MCF2: variants seen among roughly 807,000 people sequenced by gnomAD.
MCF2 encodes the protein proto-oncogene DBL.
Under a neutral mutation model 82.5 loss-of-function variants are expected in MCF2, and 44 were observed. The ratio of observed to expected loss-of-function variants is 0.53; its 90% CI spans 0.42 to 0.69. MCF2 has a LOEUF of 0.69. MCF2 is among the 30% of genes least tolerant of loss of function. The probability of loss-of-function intolerance (pLI) is 0.00; values close to 1 mark genes in which losing one functional copy is unlikely to be tolerated. For synonymous variants in MCF2, 217 were observed against 224.9 expected, an observed-to-expected ratio of 0.96 and a Z score of 0.32; for missense variants, 623 against 663.1, an observed-to-expected ratio of 0.94 and a Z score of 0.66.
At chrX:139,701,198 G>T (rs1017788116) in intron 1 of MCF2, among the ~76,000 whole-genome samples, 1 of 111,486 alleles carries the variant, frequency 9.0e-6, no homozygotes, top group Non-Finnish European at 1.9e-5. Context: ...TTTCCAGTTG[G>T]CAATCTTCTC....
intron 1 of MCF2, among the ~76,000 whole-genome samples, chrX:139,700,854 G>T (rs749717041): frequency 8.9e-6 from 1 of 112,146 alleles, no homozygotes; most frequent in African/African-American, 3.2e-5. Flanking sequence ...TTAGGATGAG[G>T]TGGGAGATAG....
intron 1 of MCF2, among the ~76,000 whole-genome samples, chrX:139,633,128 T>G (rs1031976454): frequency 9.0e-6 from 1 of 111,129 alleles, no homozygotes; most frequent in Non-Finnish European, 1.9e-5. Context: ...CTCCGAGACA[T>G]AGGAAGGTCA....
intron 1 of MCF2, among the ~76,000 whole-genome samples, chrX:139,704,286 A>T (rs1292876339): frequency 1.8e-5 from 2 of 112,218 alleles, no homozygotes; most frequent in Admixed American, 1.9e-4. Flanking sequence ...GCATCCACGT[A>T]TGAAAAGAAG....
chrX:139,610,228 T>C (rs906428631), intron 11 of MCF2, 73 bp downstream of exon 15: 3 of 650,488 alleles, frequency 4.6e-6, no homozygotes, highest in African/African-American at 4.6e-5. Context: ...GAATGAAACA[T>C]GTGATTTAAG....
At chrX:139,696,402 C>CTT (rs1264195158) in intron 1 of MCF2, among the ~76,000 whole-genome samples, 3 of 105,348 alleles carry the variant, frequency 2.8e-5, no homozygotes, top group African/African-American at 1.0e-4. Context: ...GTCTCCTCTT[C>CTT]TTTTCTTTTT....
exon 8 of MCF2, chrX:139,617,678 C>G: frequency 8.4e-7 from 1 of 1,188,408 alleles, no homozygotes; most frequent in South Asian, 1.9e-5. Flanking sequence ...CATGTAATAT[C>G]ACAAACTGGG....
At chrX:139,686,282 G>A (rs1935122108) in intron 1 of MCF2, among the ~76,000 whole-genome samples, 1 of 110,787 alleles carries the variant, frequency 9.0e-6, no homozygotes, top group African/African-American at 3.3e-5. Context: ...TCAGGCAAGA[G>A]AAAAAAAATA....
intron 13 of MCF2, 103 bp downstream of exon 17, chrX:139,605,610 A>C (rs1400954560): frequency 1.5e-6 from 1 of 657,958 alleles, no homozygotes; most frequent in Non-Finnish European, 2.3e-6. Flanking sequence ...ATGACAACCA[A>C]GGAAGGAGAC....
At chrX:139,626,923 C>T (rs1009226310) in intron 4 of MCF2, among the ~76,000 whole-genome samples, 167 bp from the exon 8 acceptor site, 2 of 111,564 alleles carry the variant, frequency 1.8e-5, no homozygotes, top group African/African-American at 6.5e-5. Flanking sequence ...AATCTCAGTG[C>T]CACAAAATCT....
upstream of MCF2, chrX:139,646,821 TG>T: frequency 8.6e-7 from 1 of 1,166,126 alleles, no homozygotes; most frequent in Non-Finnish European, 1.2e-6. Flanking sequence ...TAAGTACTTT[TG>T]CTATTACTTC....
At chrX:139,608,828 C>G (rs1185207007) in intron 11 of MCF2, among the ~76,000 whole-genome samples, 3 of 111,636 alleles carry the variant, frequency 2.7e-5, no homozygotes, top group Admixed American at 1.9e-4. Context: ...GAGGCTCAGA[C>G]AGATTTTACA....
At chrX:139,646,758 G>A (rs759768691), upstream of MCF2, 4 of 794,187 alleles carry the variant, frequency 5.0e-6, no homozygotes, top group East Asian at 3.5e-5. Flanking sequence ...GATATAAAGC[G>A]AATTGAAAAA....
chrX:139,590,016 A>G (rs1929357357), intron 19 of MCF2, 89 bp from the exon 24 acceptor site: 1 of 546,608 alleles, frequency 1.8e-6, no homozygotes, highest in Non-Finnish European at 2.9e-6. Flanking sequence ...TAAGTGAAAC[A>G]GAATTTCTCT....
intron 1 of MCF2, among the ~76,000 whole-genome samples, chrX:139,681,815 C>A (rs753958730): frequency 8.9e-6 from 1 of 112,010 alleles, no homozygotes; most frequent in Non-Finnish European, 1.9e-5. Context: ...ATTGATATAT[C>A]TATATTCATA....
At position 139,602,299 on chromosome X, in the gene MCF2, C is replaced by T. The variant is rs185766649; in HGVS notation, c.1836+107G>A. On this transcript the variant is annotated intron_variant, in intron 16 of 24. Coordinates refer to ENST00000370576, the Ensembl canonical transcript of MCF2. ...GTGGATTTGCTCTTTAACTCATATA[C>T]GTATATGCACATGTAACGTACTTAA... is the stretch of plus-strand genomic sequence containing the variant. 8.2e-5 allele frequency: 50 copies of T among 613,156 alleles called. No homozygotes were observed. In the Middle Eastern group the frequency reaches 3.1e-3, roughly 38 times the overall value. The allele number at this position is 613,156 out of a possible 1,213,427, so 50.5% of individuals were successfully genotyped here. A position where few individuals can be genotyped will look rare whatever the true frequency, so the allele number is the denominator to read the frequency against.
intron 15 of MCF2, among the ~76,000 whole-genome samples, chrX:139,604,143 A>G (rs1052056428): frequency 2.7e-5 from 3 of 111,443 alleles, no homozygotes; most frequent in African/African-American, 9.8e-5. Flanking sequence ...CTTGGGACAC[A>G]GAGGAATGGG....
chrX:139,666,138 T>G (rs906566953), intron 1 of MCF2, among the ~76,000 whole-genome samples: 2 of 108,308 alleles, frequency 1.8e-5, no homozygotes, highest in Non-Finnish European at 3.8e-5. Context: ...TATTTAAAAA[T>G]ATACAATTAA....
intron 1 of MCF2, among the ~76,000 whole-genome samples, chrX:139,668,206 A>G (rs1422004154): frequency 2.7e-5 from 3 of 111,756 alleles, no homozygotes; most frequent in Admixed American, 9.5e-5. Context: ...AGGGTAGTGT[A>G]CACTGACAGC....
At chrX:139,584,132 T>C (rs957002017) in intron 24 of MCF2, among the ~76,000 whole-genome samples, 1 of 89,612 alleles carries the variant, frequency 1.1e-5, no homozygotes, top group African/African-American at 4.5e-5. Context: ...ATTATCCTTT[T>C]TTTTTTTTTT....
Sources: allele counts gnomAD v4.1 joint callset (sites outside exome capture counted in the v4.1 genomes callset), GRCh38; gene constraint gnomAD v4.1.1; transcripts MANE v1.5; gene names NCBI Gene and HGNC (gene_info 2026-07-23, HGNC 2026-07-21).